The following AATK variants were observed in gnomAD, a reference collection of about 807,000 sequenced individuals.
AATK encodes the protein serine/threonine-protein kinase LMTK1.
AATK carries 91 observed loss-of-function variants against 114.3 expected under a neutral mutation model. That is an observed-to-expected ratio of 0.80 (90% CI 0.67 to 0.95). The LOEUF (loss-of-function observed/expected upper bound fraction) is 0.95. Ranked by LOEUF, AATK falls within the 40% of genes least tolerant of loss-of-function variation. The pLI is 0.00. For synonymous variants in AATK, 1,075 were observed against 916.5 expected, an observed-to-expected ratio of 1.17 and a Z score of -3.12; for missense variants, 2,176 against 1,965.2, an observed-to-expected ratio of 1.11 and a Z score of -2.03.
chr17:81,159,824 C>T (rs997729090), intron 1 of AATK, among the ~76,000 whole-genome samples: 1 of 152,144 alleles, frequency 6.6e-6, no homozygotes, highest in Non-Finnish European at 1.5e-5. Context: ...GGACCAGCTC[C>T]CCTGCCCCCC....
At chr17:81,136,967 T>TA in intron 1 of AATK, among the ~76,000 whole-genome samples, 2 of 152,164 alleles carry the variant, frequency 1.3e-5, no homozygotes, top group East Asian at 3.9e-4. Flanking sequence ...TCAGAATCAC[T>TA]ACCACCCTTG....
chr17:81,128,337 A>G, intron 4 of AATK, 133 bp downstream of exon 4: 1 of 1,120,734 alleles, frequency 8.9e-7, no homozygotes, highest in Non-Finnish European at 1.3e-6. Flanking sequence ...TCCCTGGGGA[A>G]GGGTCCAGCA....
chr17:81,123,603 CTCAT>C (rs1406738288), intron 9 of AATK, among the ~76,000 whole-genome samples: 1 of 152,202 alleles, frequency 6.6e-6, no homozygotes, highest in African/African-American at 2.4e-5. Context: ...TGCTTGTCCA[CTCAT>C]TCATTCATTC....
At position 81,126,578 on chromosome 17, in the gene AATK, G is replaced by T. The variant is rs2060829175; in HGVS notation, c.622-18C>A. The T allele has an allele frequency of 1.3e-6, 2 of 1,530,440 alleles. No individual in the cohort carries two copies. The highest frequency in any genetic ancestry group is 1.8e-6 in the Non-Finnish European group (2 of 1,131,326). 94.8% of individuals were successfully genotyped at this position (1,530,440 alleles called of 1,614,324 possible). ...AGGTCCCCCTGCAGAAAGGGGGTGT[G>T]GCGCAGTCACCAGCAGGCTGGGGGC... On this transcript the variant is annotated intron_variant, in intron 6 of 13. Transcript: ENST00000326724. This position sits in a 1 kb window ranked among gnomAD's most constrained non-coding sequence, Gnocchi z 5.1.
At position 81,127,617 on chromosome 17, in the gene AATK, G is replaced by A. The variant is rs762644910; in HGVS notation, c.587C>T (p.Thr196Met). The A allele has an allele frequency of 4.9e-5, 78 of 1,602,284 alleles. No individual in the cohort carries two copies. Among genetic ancestry groups the A allele is most frequent in the Middle Eastern group, 1.6e-4 (1 of 6,068 alleles). ...LQCLAQCAEV[T>M]PYLLVMEFCP... ...GAACTCCATCACCAGCAGGTAGGGC[G>A]TCACCTCGGCGCACTGGGCCAGGCA... The change falls in exon 6 of 14, where the codon ACG becomes ATG. Residue 196 changes from threonine to methionine, a missense_variant. Thr to Met is a moderately conservative substitution (Grantham distance 81). Transcript: ENST00000326724.
chr17:81,120,794 G>T lies in AATK; in HGVS notation c.3142C>A (p.Gln1048Lys). 6.4e-7 allele frequency: 1 copy of T among 1,568,112 alleles called. No individual in the cohort carries two copies. Among genetic ancestry groups the T allele is most frequent in the Non-Finnish European group, 8.6e-7 (1 of 1,157,136 alleles). The change falls in exon 11 of 14, where the codon CAA becomes AAA. Residue 1048 changes from glutamine to lysine, a missense_variant. By Grantham distance (53) the Gln-to-Lys change is moderately conservative. Coordinates refer to ENST00000326724, the MANE Select transcript of AATK (RefSeq NM_001080395.3). ...AGCACCTCCCCGGGGCCAGAGCCTT[G>T]TGCCTCCCCGGAAACCCCAGGCCTG... Reference protein sequence around the residue: ...CLRPGVSGEAQGSGPGEVLPP... With the variant: ...CLRPGVSGEAKGSGPGEVLPP...
chr17:81,155,139 A>G (rs1312129494), intron 1 of AATK, among the ~76,000 whole-genome samples: 2 of 152,206 alleles, frequency 1.3e-5, no homozygotes, highest in Non-Finnish European at 2.9e-5. Flanking sequence ...AACTTCCTCA[A>G]AAAATGAAGA....
intron 1 of AATK, among the ~76,000 whole-genome samples, chr17:81,156,555 A>G (rs1249410063): frequency 1.3e-5 from 2 of 151,546 alleles, no homozygotes; most frequent in South Asian, 2.1e-4. Flanking sequence ...CAGCCACCAC[A>G]CCCGCCTAAT....
At chr17:81,134,655 G>A (rs2060983597) in intron 1 of AATK, among the ~76,000 whole-genome samples, 154 bp from the exon 2 acceptor site, 1 of 152,226 alleles carries the variant, frequency 6.6e-6, no homozygotes, top group South Asian at 2.1e-4. Flanking sequence ...ACCTCACAGT[G>A]TGGCGAGGAG....
At chr17:81,146,620 G>A (rs901860706) in intron 1 of AATK, among the ~76,000 whole-genome samples, 11 of 152,144 alleles carry the variant, frequency 7.2e-5, no homozygotes, top group Non-Finnish European at 1.0e-4. Context: ...GGAGGCTGAG[G>A]CAGGAGAATG....
intron 1 of AATK, among the ~76,000 whole-genome samples, chr17:81,141,965 C>CT (rs2061146889): frequency 6.7e-6 from 1 of 148,326 alleles, no homozygotes; most frequent in South Asian, 2.1e-4. Flanking sequence ...TCCTTCCTTC[C>CT]TTCCTTCCTT....
At position 81,121,233 on chromosome 17, in the gene AATK, G is replaced by A. The variant is rs1041176877; in HGVS notation, c.2703C>T (p.Asp901=). 3 of 1,607,136 alleles carry A rather than the reference G, an allele frequency of 1.9e-6. No individual in the cohort carries two copies. The highest frequency in any genetic ancestry group is 1.7e-5 in the Admixed American group (1 of 59,404). ...ACGGGATGTCCAGGGAGTCCAGGGA[G>A]TCGGGGGTCCCCACCTGCTTCTGCA... ...RSLQKQVGTP[D]SLDSLDIPSS... The change falls in exon 11 of 14, where the codon GAC becomes GAT. Residue 901 remains aspartate (D), a synonymous_variant. Transcript: ENST00000326724.
At chr17:81,146,028 A>T (rs1472868150) in intron 1 of AATK, among the ~76,000 whole-genome samples, 1 of 151,562 alleles carries the variant, frequency 6.6e-6, no homozygotes, top group Non-Finnish European at 1.5e-5. Flanking sequence ...TCTCTACAAA[A>T]AAATACAAAA....
rs973419197 is a variant in AATK, at chr17:81,165,839, G to C, written c.55+99C>G. Reference sequence around the variant, plus strand: ...GCTGCTGGGCTCGGGGCGGGGAAAGGGTTAATTTCCATGCAAACCGGGAGC... The same window carrying C: ...GCTGCTGGGCTCGGGGCGGGGAAAGCGTTAATTTCCATGCAAACCGGGAGC... On this transcript the variant is annotated intron_variant, in intron 1 of 13. Coordinates refer to ENST00000326724, the MANE Select transcript of AATK (RefSeq NM_001080395.3). 5.2e-6 allele frequency: 8 copies of C among 1,525,390 alleles called. No homozygotes were observed. In the African/African-American group the frequency reaches 8.3e-5, roughly 16 times the overall value. 94.5% of individuals were successfully genotyped at this position (1,525,390 alleles called of 1,614,324 possible).
intron 1 of AATK, among the ~76,000 whole-genome samples, chr17:81,142,517 C>T (rs1598953243): frequency 1.3e-5 from 2 of 152,324 alleles, no homozygotes; most frequent in African/African-American, 4.8e-5. Flanking sequence ...ATCAATCCTC[C>T]CGCCTTGGCC....
In AATK at chr17:81,122,285, C is replaced by T. The variant is rs1191827699; in HGVS notation, c.1651G>A (p.Ala551Thr). 2 of 1,498,742 alleles carry T rather than the reference C, an allele frequency of 1.3e-6. No homozygotes were observed. The highest frequency in any genetic ancestry group is 2.3e-5 in the Admixed American group (1 of 43,294). 92.8% of individuals were successfully genotyped at this position (1,498,742 alleles called of 1,614,324 possible). A position where few individuals can be genotyped will look rare whatever the true frequency, so the allele number is the denominator to read the frequency against. ...AGHDPDCAGC[A>T]PSPPATADQD... ...TCCGCGGTGGCAGGTGGACTGGGGG[C>T]GCAGCCGGCGCAGTCAGGGTCGTGG... The change falls in exon 11 of 14, where the codon GCC becomes ACC. Residue 551 changes from alanine to threonine, a missense_variant. Coordinates refer to ENST00000326724, the MANE Select transcript of AATK (RefSeq NM_001080395.3).
intron 2 of AATK, 25 bp downstream of exon 2, chr17:81,134,343 A>T (rs1372158889): frequency 6.2e-7 from 1 of 1,612,078 alleles, no homozygotes. Context: ...ATCCCACGAC[A>T]GCTCCCGCGG....
At chr17:81,144,101 T>C (rs1259683360) in intron 1 of AATK, among the ~76,000 whole-genome samples, 1 of 152,190 alleles carries the variant, frequency 6.6e-6, no homozygotes, top group Non-Finnish European at 1.5e-5. Context: ...GGAAGCTTCC[T>C]GCTAAGTGGC....
At chr17:81,152,813 T>G (rs1254729534) in intron 1 of AATK, among the ~76,000 whole-genome samples, 1 of 150,744 alleles carries the variant, frequency 6.6e-6, no homozygotes, top group Non-Finnish European at 1.5e-5. Context: ...CTTTGCCTAA[T>G]GGATGGCACC....
Sources: allele counts gnomAD v4.1 joint callset (sites outside exome capture counted in the v4.1 genomes callset), GRCh38; gene constraint gnomAD v4.1.1; non-coding constraint Gnocchi (gnomAD v3.1); transcripts MANE v1.5; gene names NCBI Gene and HGNC (gene_info 2026-07-23, HGNC 2026-07-21).